EXOC4: variants seen among roughly 807,000 people sequenced by gnomAD.
The protein encoded by EXOC4 is SEC8-like 1.
Under a neutral mutation model 107.2 loss-of-function variants are expected in EXOC4, and 71 were observed. The ratio of observed to expected loss-of-function variants is 0.66; its 90% CI spans 0.55 to 0.81. The LOEUF is 0.81. Ranked by LOEUF, EXOC4 falls within the 30% of genes least tolerant of loss-of-function variation. The pLI is 0.00. For missense variants in EXOC4, 1,108 were observed against 1,189.6 expected, an observed-to-expected ratio of 0.93 and a Z score of 1.01; for synonymous variants, 456 against 441.2, an observed-to-expected ratio of 1.03 and a Z score of -0.42.
intron 7 of EXOC4, among the ~76,000 whole-genome samples, chr7:133,464,125 A>G (rs573305313): frequency 2.0e-5 from 3 of 152,286 alleles, no homozygotes; most frequent in African/African-American, 7.2e-5. Context: ...AGCATTTTGT[A>G]TGCGTTATTA....
At chr7:133,316,094 C>T (rs950464736) in intron 4 of EXOC4, among the ~76,000 whole-genome samples, 3 of 152,062 alleles carry the variant, frequency 2.0e-5, no homozygotes, top group African/African-American at 7.2e-5. Context: ...TCACTTGAAC[C>T]CGAATTATCA....
Position 134,013,594 on chromosome 7 carries a change from G to A in EXOC4, c.2687+5759G>A, listed in dbSNP as rs188318658. The stretch of plus-strand genomic sequence containing the variant: ...ATTGTAACAAATGTATCATACTAAT[G>A]TAAGATGTTAATAATAGGGAAACTG... On this transcript the variant is annotated intron_variant, in intron 17 of 17. Transcript: ENST00000253861. Among the ~76,000 whole-genome samples, 445 of 152,290 alleles carry A rather than the reference G, an allele frequency of 2.9e-3. 2 individuals carry two copies. Among genetic ancestry groups the A allele is most frequent in the Middle Eastern group, 6.8e-3 (2 of 292 alleles).
chr7:133,780,008 C>T (rs752161695), intron 10 of EXOC4, among the ~76,000 whole-genome samples: 12 of 152,090 alleles, frequency 7.9e-5, no homozygotes, highest in East Asian at 1.9e-4. Flanking sequence ...GTGTACCCAC[C>T]GGAAGGAACA....
At chr7:133,821,945 G>A (rs1165117687) in intron 11 of EXOC4, among the ~76,000 whole-genome samples, 2 of 152,150 alleles carry the variant, frequency 1.3e-5, no homozygotes, top group African/African-American at 2.4e-5. Flanking sequence ...TTCTGCGCAT[G>A]GTATAAAACT....
chr7:133,584,961 C>T (rs1392119001), intron 9 of EXOC4, among the ~76,000 whole-genome samples: 6 of 152,086 alleles, frequency 3.9e-5, no homozygotes, highest in Admixed American at 1.3e-4. Context: ...TGAAAGTATT[C>T]GTTTATAAAA....
intron 17 of EXOC4, among the ~76,000 whole-genome samples, chr7:134,021,168 G>T (rs1303706950): frequency 6.6e-6 from 1 of 152,122 alleles, no homozygotes; most frequent in Non-Finnish European, 1.5e-5. Context: ...AAACAAATTA[G>T]CTCCCATCCA....
chr7:134,002,508 C>CATTG (rs1333684087), intron 15 of EXOC4, among the ~76,000 whole-genome samples: 2 of 152,032 alleles, frequency 1.3e-5, no homozygotes, highest in East Asian at 3.9e-4. Flanking sequence ...TTTTGATAGA[C>CATTG]ATTGTCAAGG....
At chr7:133,874,396 A>G (rs770368460) in intron 11 of EXOC4, among the ~76,000 whole-genome samples, 14 of 152,248 alleles carry the variant, frequency 9.2e-5, no homozygotes, top group South Asian at 2.1e-4. Flanking sequence ...TTGAAAGTTC[A>G]TTAGTTCTTC....
intron 10 of EXOC4, among the ~76,000 whole-genome samples, chr7:133,751,287 C>A (rs1795788633): frequency 6.6e-6 from 1 of 152,148 alleles, no homozygotes; most frequent in South Asian, 2.1e-4. Flanking sequence ...AGAGTCTAGT[C>A]ACATTTCTAA....
intron 10 of EXOC4, among the ~76,000 whole-genome samples, chr7:133,701,829 T>C (rs1585088944): frequency 1.3e-5 from 2 of 152,212 alleles, no homozygotes; most frequent in East Asian, 3.9e-4. Flanking sequence ...GAAGGTAACT[T>C]TGTATAATAT....
At chr7:134,061,630 A>G (rs192577319) in intron 17 of EXOC4, among the ~76,000 whole-genome samples, 108 of 152,314 alleles carry the variant, frequency 7.1e-4, no homozygotes, top group Admixed American at 1.2e-3. Context: ...TTCATTTGGT[A>G]AATCTCGATG....
At chr7:133,937,534 C>A (rs34475839) in intron 13 of EXOC4, among the ~76,000 whole-genome samples, 19,773 of 152,146 alleles carry the variant, frequency 0.13, 1,636 homozygotes, top group South Asian at 0.21. Context: ...ATATTTAACA[C>A]CCTAAGCTGT....
intron 9 of EXOC4, among the ~76,000 whole-genome samples, chr7:133,621,095 T>C (rs565888934): frequency 2.2e-4 from 33 of 152,322 alleles, no homozygotes; most frequent in African/African-American, 7.9e-4. Flanking sequence ...GGATCCTCCT[T>C]TGACTTATGC....
At chr7:133,565,221 T>C (rs1042905738) in intron 9 of EXOC4, among the ~76,000 whole-genome samples, 1 of 152,280 alleles carries the variant, frequency 6.6e-6, no homozygotes, top group Admixed American at 6.5e-5. Flanking sequence ...GGGAAGACCA[T>C]AGGCTTAGTT....
chr7:133,845,413 ATATATATCTTATATATACTAG>A (rs1798106444), intron 11 of EXOC4, among the ~76,000 whole-genome samples: 1 of 147,778 alleles, frequency 6.8e-6, no homozygotes, highest in African/African-American at 2.5e-5. Flanking sequence ...ACTATATTTT[ATATATATCTTATATATACTAG>A]ATATATAAGA....
chr7:133,534,999 G>A (rs1257965939), intron 9 of EXOC4, among the ~76,000 whole-genome samples: 1 of 152,154 alleles, frequency 6.6e-6, no homozygotes, highest in Non-Finnish European at 1.5e-5. Flanking sequence ...ATACTTAAAA[G>A]GGCATGAGAG....
At chr7:133,912,683 G>A (rs1016360679) in intron 12 of EXOC4, among the ~76,000 whole-genome samples, 2 of 152,080 alleles carry the variant, frequency 1.3e-5, no homozygotes, top group African/African-American at 4.8e-5. Flanking sequence ...GTAGGCACTA[G>A]GGACAGAAAA....
chr7:133,270,609 A>G (rs568455073), intron 1 of EXOC4, among the ~76,000 whole-genome samples: 1 of 152,338 alleles, frequency 6.6e-6, no homozygotes, highest in African/African-American at 2.4e-5. Flanking sequence ...GACTAGGATC[A>G]ATGGGTAGAA....
chr7:133,527,566 C>G (rs984979112), intron 9 of EXOC4, among the ~76,000 whole-genome samples: 3 of 152,024 alleles, frequency 2.0e-5, no homozygotes, highest in Middle Eastern at 3.2e-3. Context: ...TTACTACACT[C>G]TGAGCAATAG....
Sources: gnomAD v4.1 joint callset for allele counts (sites outside exome capture counted in the v4.1 genomes callset) on GRCh38, gnomAD v4.1.1 for gene constraint, MANE v1.5 for transcripts, NCBI Gene and HGNC (gene_info 2026-07-23, HGNC 2026-07-21) for gene names.